RPN2: variants seen among roughly 807,000 people sequenced by gnomAD.
RPN2 encodes ribophorin II.
RPN2 carries 29 observed loss-of-function variants against 71.4 expected under a neutral mutation model. The ratio of observed to expected loss-of-function variants is 0.41; its 90% CI spans 0.30 to 0.55. The LOEUF (loss-of-function observed/expected upper bound fraction) is 0.55, where lower values mean the gene tolerates loss of function less well. Ranked by LOEUF, RPN2 falls within the 20% of genes least tolerant of loss-of-function variation. The pLI is 0.35. For missense variants in RPN2, 726 were observed against 774.1 expected (o/e 0.94, Z 0.74); for synonymous variants, 308 against 305.0 (o/e 1.01, Z -0.10).
chr20:37,224,059 T>A, intron 10 of RPN2, 90 bp downstream of exon 10: 1 of 1,030,694 alleles, frequency 9.7e-7, no homozygotes, highest in Non-Finnish European at 1.5e-6. Context: ...AGGCATCAGT[T>A]CTGTGTCAGC....
chr20:37,237,834 G>T (rs947876594), intron 16 of RPN2, among the ~76,000 whole-genome samples: 2 of 152,132 alleles, frequency 1.3e-5, no homozygotes, highest in Non-Finnish European at 2.9e-5. Context: ...ACCTGCCTGG[G>T]CCCCCAGGGA....
rs774595023 is a variant in RPN2, at chr20:37,228,566, A to G, written c.1316A>G (p.His439Arg). Residue 439 changes from histidine to arginine, a missense_variant, in exon 12 of 17, where the codon CAT becomes CGT. Coordinates refer to ENST00000237530, the MANE Select transcript of RPN2 (RefSeq NM_002951.5). ...TCCATCTAGACATTTGTCCGACTCC[A>G]TAACCAGAAGACTGGCCAGGAAGTG... ...LTPHQTFVRL[H>R]NQKTGQEVVF... is the part of the protein sequence containing the mutation. 4.3e-6 allele frequency: 7 copies of G among 1,614,220 alleles called. No homozygotes were observed. Among genetic ancestry groups the G allele is most frequent in the African/African-American group, 1.3e-5 (1 of 75,066 alleles).
intron 4 of RPN2, 126 bp from the exon 5 acceptor site, chr20:37,203,759 G>T: frequency 1.3e-6 from 1 of 744,488 alleles, no homozygotes; most frequent in Non-Finnish European, 2.4e-6. Flanking sequence ...CTCCTTAAAG[G>T]CTGAGACCAA....
At position 37,198,315 on chromosome 20, in the gene RPN2, G is replaced by T. The variant is rs2067298735; in HGVS notation, c.208-82G>T. On this transcript the variant is annotated intron_variant, in intron 2 of 16. Transcript: ENST00000237530. Reference sequence around the variant, plus strand: ...TCCTTAAGCCATCTATAATGGCTGAGAATGTTATCTAAAAACGCCTTTGCT... The same window carrying T: ...TCCTTAAGCCATCTATAATGGCTGATAATGTTATCTAAAAACGCCTTTGCT... 5.0e-6 allele frequency: 8 copies of T among 1,611,070 alleles called. No individual in the cohort carries two copies. The Middle Eastern group carries it at 4.9e-4, about 99-fold the overall frequency.
chr20:37,232,492 C>A (rs2068280423), intron 14 of RPN2, 101 bp downstream of exon 14: 2 of 1,355,370 alleles, frequency 1.5e-6, no homozygotes, highest in African/African-American at 1.4e-5. Flanking sequence ...CAGTAAAGCT[C>A]CAGAGGGGTC....
At chr20:37,210,598 TCA>T (rs2067637408) in intron 8 of RPN2, among the ~76,000 whole-genome samples, 1 of 150,020 alleles carries the variant, frequency 6.7e-6, no homozygotes, top group African/African-American at 2.5e-5. Context: ...TGGTGCAATC[TCA>T]GCTCACCGCA....
chr20:37,184,273 G>T lies in RPN2; in HGVS notation c.107G>T (p.Arg36Ile). ...THYLTKHDVE[R>I]LKASLDRPFT... is the part of the protein sequence containing the mutation. ...TACCTCACCAAGCATGACGTGGAGA[G>T]ACTAAAAGCCTCGCTGGATCGCCCT... is the stretch of plus-strand genomic sequence containing the variant. Residue 36 changes from arginine to isoleucine, a missense_variant, in exon 2 of 17, where the codon AGA becomes ATA. Arg to Ile is a moderately conservative substitution (Grantham distance 97). Transcript: ENST00000237530. 6.2e-7 allele frequency: 1 copy of T among 1,614,192 alleles called. No individual in the cohort carries two copies. The highest frequency in any genetic ancestry group is 1.1e-5 in the South Asian group (1 of 91,082).
chr20:37,209,929 C>T lies in RPN2; in HGVS notation c.868-118C>T, dbSNP rs549510651. On this transcript the variant is annotated intron_variant, in intron 7 of 16. Coordinates refer to ENST00000237530, the MANE Select transcript of RPN2 (RefSeq NM_002951.5). ...AGGCCCAAGGTCAGCCAAGATTTCCCGAAGCAGGGGATTTGCTCTCCTGCA... is the reference window on the plus strand; with the variant it reads ...AGGCCCAAGGTCAGCCAAGATTTCCTGAAGCAGGGGATTTGCTCTCCTGCA... The T allele has an allele frequency of 1.5e-3, 2,269 of 1,529,994 alleles. 3 individuals carry two copies. The highest frequency in any genetic ancestry group is 1.9e-3 in the Non-Finnish European group (2,140 of 1,139,082). The allele number at this position is 1,529,994 out of a possible 1,614,324, so 94.8% of individuals were successfully genotyped here.
intron 11 of RPN2, among the ~76,000 whole-genome samples, chr20:37,227,652 T>G (rs1178117583): frequency 6.6e-6 from 1 of 152,242 alleles, no homozygotes; most frequent in Non-Finnish European, 1.5e-5. Context: ...ATTTAATGCT[T>G]GTGCCTTGTG....
intron 15 of RPN2, among the ~76,000 whole-genome samples, chr20:37,234,604 A>G (rs2068333335): frequency 6.6e-6 from 1 of 152,020 alleles, no homozygotes; most frequent in Admixed American, 6.6e-5. Flanking sequence ...TTCACAAATC[A>G]CTTAAGCATT....
intron 2 of RPN2, among the ~76,000 whole-genome samples, chr20:37,192,742 A>G (rs1274303469): frequency 6.6e-6 from 1 of 152,174 alleles, no homozygotes; most frequent in Non-Finnish European, 1.5e-5. Context: ...AAGGGGAGAT[A>G]TGTGCTGTTA....
chr20:37,236,841 C>A, intron 16 of RPN2, 132 bp downstream of exon 16: 1 of 883,720 alleles, frequency 1.1e-6, no homozygotes, highest in East Asian at 2.6e-5. Flanking sequence ...TAATCTAGCC[C>A]AGTACAGAAG....
Position 37,204,908 on chromosome 20 carries a change from A to G in RPN2, c.690+7A>G. On this transcript the variant is annotated splice_region_variant and intron_variant, in intron 6 of 16. Transcript: ENST00000237530. ...TGAGCCATCCATTAAGGAGGTACCT[A>G]TCTAACAATTTTCAGGCATGAAACC... The G allele has an allele frequency of 1.2e-6, 2 of 1,614,158 alleles. No individual in the cohort carries two copies. Among genetic ancestry groups the G allele is most frequent in the Non-Finnish European group, 1.7e-6 (2 of 1,180,026 alleles).
chr20:37,189,019 C>T (rs375336248), intron 2 of RPN2, among the ~76,000 whole-genome samples: 17 of 152,062 alleles, frequency 1.1e-4, no homozygotes, highest in African/African-American at 2.9e-4. Context: ...CTGCAACCTC[C>T]GCCTCGTAGG....
At chr20:37,207,217 C>A in intron 6 of RPN2, 56 bp from the exon 7 acceptor site, 2 of 1,415,102 alleles carry the variant, frequency 1.4e-6, no homozygotes, top group African/African-American at 1.4e-5. Context: ...ACAGCAGTGG[C>A]CCTCCCACCT....
At chr20:37,215,528 T>A (rs1230864744) in intron 9 of RPN2, among the ~76,000 whole-genome samples, 1 of 152,154 alleles carries the variant, frequency 6.6e-6, no homozygotes, top group African/African-American at 2.4e-5. Context: ...AAGTTCTTTT[T>A]TTCTTTTCTT....
chr20:37,207,481 T>A (rs2146597912), intron 7 of RPN2, 32 bp downstream of exon 7: 1 of 1,605,932 alleles, frequency 6.2e-7, no homozygotes, highest in Non-Finnish European at 8.5e-7. Context: ...TGTGCCCCTC[T>A]GATTATCATT....
intron 12 of RPN2, among the ~76,000 whole-genome samples, chr20:37,229,066 G>A (rs568385693): frequency 1.4e-4 from 22 of 152,342 alleles, no homozygotes; most frequent in African/African-American, 5.3e-4. Flanking sequence ...GGGTTACGTA[G>A]ATGTGAAAGT....
chr20:37,180,058 A>G lies in RPN2; in HGVS notation c.13+689A>G, dbSNP rs77114660. 4.5e-3 allele frequency among the ~76,000 whole-genome samples: 679 copies of G among 152,334 alleles called. 3 individuals are homozygous for G. The highest frequency in any genetic ancestry group is 0.013 in the South Asian group (65 of 4,834). Reference sequence around the variant, plus strand: ...CCTAGGTAAGAACTAAGTTAACTGCATTGGAAGTTACTGAGTAGACGCTGT... The same window carrying G: ...CCTAGGTAAGAACTAAGTTAACTGCGTTGGAAGTTACTGAGTAGACGCTGT... On this transcript the variant is annotated intron_variant, in intron 1 of 16. Transcript: ENST00000237530.
Sources: gnomAD v4.1 joint callset for allele counts (sites outside exome capture counted in the v4.1 genomes callset) on GRCh38, gnomAD v4.1.1 for gene constraint, MANE v1.5 for transcripts, NCBI Gene and HGNC (gene_info 2026-07-23, HGNC 2026-07-21) for gene names.